MB: variants seen among roughly 807,000 people sequenced by gnomAD.
MB encodes the protein myoglobin, also known as nitrite reductase MB.
A neutral mutation model predicts 14.5 loss-of-function variants in MB; 10 were observed. The observed-to-expected ratio is 0.69, with a 90% CI of 0.43 to 1.17. The LOEUF (loss-of-function observed/expected upper bound fraction) is 1.17, where lower values mean the gene tolerates loss of function less well. Among genes scored for constraint, MB ranks in the 50% most tolerant of loss-of-function variants. MB has a pLI of 0.00. For synonymous variants in MB, 89 were observed against 78.6 expected (o/e 1.13, Z -0.70); for missense variants, 169 against 192.7 (o/e 0.88, Z 0.73).
At chr22:35,621,502 AT>A (rs1923457572), upstream of MB, among the ~76,000 whole-genome samples, 6 of 152,234 alleles carry the variant, frequency 3.9e-5, no homozygotes, top group Admixed American at 3.9e-4. Flanking sequence ...ATCTAGAATT[AT>A]AGGGCCATAG....
upstream of MB, among the ~76,000 whole-genome samples, chr22:35,618,019 C>T (rs113229303): frequency 1.6e-4 from 24 of 152,326 alleles, no homozygotes; most frequent in African/African-American, 4.6e-4. Flanking sequence ...CATCCTATTT[C>T]CTGGTTTTCA....
At chr22:35,621,620 G>T (rs1306438075), upstream of MB, among the ~76,000 whole-genome samples, 1 of 152,170 alleles carries the variant, frequency 6.6e-6, no homozygotes, top group Non-Finnish European at 1.5e-5. Context: ...ACTCCTGGGA[G>T]TGGTGAGCTC....
intron 2 of MB, among the ~76,000 whole-genome samples, chr22:35,609,289 G>A (rs73403988): frequency 0.03 from 4,518 of 152,302 alleles, 164 homozygotes; most frequent in South Asian, 0.15. Flanking sequence ...AAGTGCCATG[G>A]TGCAGGGAGG....
chr22:35,620,676 G>A (rs1422455331), upstream of MB, among the ~76,000 whole-genome samples: 1 of 152,208 alleles, frequency 6.6e-6, no homozygotes, highest in Non-Finnish European at 1.5e-5. Flanking sequence ...TGAGACTCCT[G>A]GAGATTGAGA....
rs529415413 is a variant in MB, at chr22:35,610,446, G to C, written c.318+438C>G. Among the ~76,000 whole-genome samples, 3 of 152,228 alleles carry C rather than the reference G, an allele frequency of 2.0e-5. No homozygotes were observed. The South Asian group carries it at 6.2e-4, about 32-fold the overall frequency. The stretch of plus-strand genomic sequence containing the variant: ...AGACTCCCAGTGGCACAGCAGTTAG[G>C]GGCTGGGGTTCTGTAGTAATAGAGA... On this transcript the variant is annotated intron_variant, in intron 2 of 2. Coordinates refer to ENST00000397326, the MANE Select transcript of MB (RefSeq NM_005368.3).
chr22:35,621,850 G>A (rs570151275), upstream of MB: 1 of 152,286 alleles, frequency 6.6e-6, no homozygotes, highest in South Asian at 2.1e-4. Flanking sequence ...GGCAAGTCGG[G>A]GGCCTCAGTC....
Position 35,607,329 on chromosome 22 carries a change from AG to A in MB, c.432del (p.Ser145ProfsTer31). On this transcript the variant is annotated frameshift_variant, in exon 3 of 3. Coordinates refer to ENST00000397326, the MANE Select transcript of MB (RefSeq NM_005368.3). LOFTEE classifies it high-confidence loss of function. Reference protein sequence around the residue: ...KALELFRKDMASNYKELGFQG With the variant: ...KALELFRKDMXSNYKELGFQG ...TGGAAGCCCAGCTCCTTGTAGTTGG[AG>A]GCCATGTCCTTCCGGAACAGCTCCA... The A allele has an allele frequency of 6.2e-7, 1 of 1,613,762 alleles. No homozygotes were observed. The highest frequency in any genetic ancestry group is 2.2e-5 in the East Asian group (1 of 44,866).
At position 35,617,288 on chromosome 22, in the gene MB, G is replaced by T. The variant is rs1340333071; in HGVS notation, c.-31C>A. 1 of 1,576,700 alleles carries T rather than the reference G, an allele frequency of 6.3e-7. No individual in the cohort carries two copies. Among genetic ancestry groups the T allele is most frequent in the Non-Finnish European group, 8.7e-7 (1 of 1,146,032 alleles). Reference sequence around the variant, plus strand: ...AGTCTGAAGAAGACAAAAAGAGCAAGTATGGGCTCACTGGGTGTCCTGGCC... The same window carrying T: ...AGTCTGAAGAAGACAAAAAGAGCAATTATGGGCTCACTGGGTGTCCTGGCC... On this transcript the variant is annotated 5_prime_UTR_variant, in exon 1 of 3. Transcript: ENST00000397326.
intron 1 of MB, among the ~76,000 whole-genome samples, chr22:35,611,624 G>A (rs1408740191): frequency 6.6e-6 from 1 of 152,192 alleles, no homozygotes; most frequent in Admixed American, 6.5e-5. Flanking sequence ...CCTCTTGCTT[G>A]TTTTGAGCCC....
At chr22:35,620,499 C>T (rs1923393636), upstream of MB, among the ~76,000 whole-genome samples, 4 of 152,196 alleles carry the variant, frequency 2.6e-5, no homozygotes, top group Admixed American at 1.3e-4. Flanking sequence ...AGAGGGTCTG[C>T]CCCGGTCTCA....
Position 35,611,110 on chromosome 22 carries a change from TG to T in MB, c.96-5del. 1 of 1,612,038 alleles carries T rather than the reference TG, an allele frequency of 6.2e-7. No individual in the cohort carries two copies. Reference sequence around the variant, plus strand: ...CTCTGGGTGACCCTTAAAGAGCCTGTGGGCACAGGGAAGGCTGGAGTCGGCA... The same window carrying T: ...CTCTGGGTGACCCTTAAAGAGCCTGTGGCACAGGGAAGGCTGGAGTCGGCA... On this transcript the variant is annotated splice_polypyrimidine_tract_variant and splice_region_variant and intron_variant, in intron 1 of 2. Coordinates refer to ENST00000397326, the MANE Select transcript of MB (RefSeq NM_005368.3).
chr22:35,608,214 A>G lies in MB; in HGVS notation c.319-771T>C, dbSNP rs1038404340. 5.3e-5 allele frequency among the ~76,000 whole-genome samples: 8 copies of G among 152,362 alleles called. No homozygotes were observed. The highest frequency in any genetic ancestry group is 1.7e-4 in the African/African-American group (7 of 41,584). On this transcript the variant is annotated intron_variant, in intron 2 of 2. Coordinates refer to ENST00000397326, the MANE Select transcript of MB (RefSeq NM_005368.3). The surrounding 1 kb of genome is among the most constrained non-coding windows in gnomAD (Gnocchi z 4.3). ...AGGGATGGAAAGACTCATGGATGTG[A>G]AATGCGGCTGTGCTTTCTCAAGTTA...
upstream of MB, among the ~76,000 whole-genome samples, chr22:35,618,481 A>T (rs1923244371): frequency 6.6e-6 from 1 of 152,214 alleles, no homozygotes; most frequent in East Asian, 1.9e-4. Context: ...CTATCCATTT[A>T]TCCACTTGTC....
rs749645022 is a variant in MB at position 35,607,400 on chromosome 22, G to A, written c.362C>T (p.Pro121Leu). Reference sequence around the variant, plus strand: ...CTGGGCATCAGCACCAAAGTCCCCGGGATGCTTGCTCTGCAGAACCTGGAT... The same window carrying A: ...CTGGGCATCAGCACCAAAGTCCCCGAGATGCTTGCTCTGCAGAACCTGGAT... ...CIIQVLQSKH[P>L]GDFGADAQGA... Residue 121 changes from proline (P) to leucine (L), a missense_variant, in exon 3 of 3, where the codon CCC becomes CTC. Transcript: ENST00000397326. The A allele has an allele frequency of 1.2e-6, 2 of 1,614,092 alleles. No homozygotes were observed. The highest frequency in any genetic ancestry group is 1.7e-5 in the Admixed American group (1 of 60,026).
chr22:35,607,907 T>C (rs1462310937), intron 2 of MB, among the ~76,000 whole-genome samples: 2 of 152,240 alleles, frequency 1.3e-5, no homozygotes, highest in Non-Finnish European at 1.5e-5. Context: ...TTTCTATTTG[T>C]GTGTATGCAA....
At chr22:35,610,023 T>C (rs1216707351) in intron 2 of MB, among the ~76,000 whole-genome samples, 1 of 152,218 alleles carries the variant, frequency 6.6e-6, no homozygotes, top group Admixed American at 6.5e-5. Context: ...TGCCATGTGC[T>C]AGGCATGGCA....
At chr22:35,615,744 A>C (rs1443901422) in intron 1 of MB, 1 of 152,256 alleles carries the variant, frequency 6.6e-6, no homozygotes, top group Non-Finnish European at 1.5e-5. Context: ...CCAAGGTCAC[A>C]TGGCATATCT....
chr22:35,609,082 G>GT (rs1922378198), intron 2 of MB, among the ~76,000 whole-genome samples: 4 of 152,184 alleles, frequency 2.6e-5, no homozygotes, highest in South Asian at 4.1e-4. Flanking sequence ...TGGCTGCATG[G>GT]TTTTTTCTAT....
upstream of MB, among the ~76,000 whole-genome samples, chr22:35,618,721 C>T (rs1923260070): frequency 1.3e-5 from 2 of 152,210 alleles, no homozygotes; most frequent in Middle Eastern, 3.4e-3. Context: ...ATCCAAAATC[C>T]ACCAGTTCCT....
Sources: allele counts gnomAD v4.1 joint callset (sites outside exome capture counted in the v4.1 genomes callset), GRCh38; gene constraint gnomAD v4.1.1; non-coding constraint Gnocchi (gnomAD v3.1); transcripts MANE v1.5; gene names NCBI Gene and HGNC (gene_info 2026-07-23, HGNC 2026-07-21).